The following IQCM variants were observed in gnomAD, a reference collection of about 807,000 sequenced individuals.
The protein encoded by IQCM is IQ domain-containing protein M.
Under a neutral mutation model 57.6 loss-of-function variants are expected in IQCM, and 45 were observed. The observed-to-expected ratio is 0.78, with a 90% CI of 0.62 to 1.00. The LOEUF is 1.00. Among genes scored for constraint, IQCM ranks in the 50% least tolerant of loss-of-function variants. The pLI is 0.00. For synonymous variants in IQCM, 148 were observed against 158.9 expected (o/e 0.93, Z 0.51); for missense variants, 468 against 511.6 (o/e 0.91, Z 0.82).
chr4:149,664,808 C>G (rs1760559409), intron 7 of IQCM, among the ~76,000 whole-genome samples: 2 of 152,120 alleles, frequency 1.3e-5, no homozygotes, highest in Non-Finnish European at 2.9e-5. Flanking sequence ...GTGGGTTGGT[C>G]TCTCCAGAGA....
intron 5 of IQCM, among the ~76,000 whole-genome samples, chr4:149,693,724 T>A (rs1391771815): frequency 6.6e-6 from 1 of 152,218 alleles, no homozygotes; most frequent in African/African-American, 2.4e-5. Flanking sequence ...ACAGGTTTTG[T>A]ATAATTCTAA....
intron 9 of IQCM, among the ~76,000 whole-genome samples, chr4:149,571,450 T>C (rs1458064409): frequency 6.6e-6 from 1 of 151,904 alleles, no homozygotes; most frequent in African/African-American, 2.4e-5. Flanking sequence ...GATCTCACAG[T>C]AGAGAGTAAA....
chr4:149,769,733 C>A (rs567651564), intron 2 of IQCM, among the ~76,000 whole-genome samples: 2 of 151,834 alleles, frequency 1.3e-5, no homozygotes, highest in Non-Finnish European at 2.9e-5. Context: ...GAGGACATAA[C>A]AATCCTATTG....
chr4:149,529,094 C>T (rs146237157), intron 12 of IQCM, among the ~76,000 whole-genome samples: 20 of 152,176 alleles, frequency 1.3e-4, no homozygotes, highest in Non-Finnish European at 2.4e-4. Context: ...GACAGAGTCT[C>T]ACTCCATCAC....
chr4:149,401,969 T>C (rs190214712), intron 13 of IQCM, among the ~76,000 whole-genome samples: 1 of 151,932 alleles, frequency 6.6e-6, no homozygotes, highest in Admixed American at 6.6e-5. Context: ...GATGTGGAAA[T>C]AGAACTTTTT....
chr4:149,510,803 T>C (rs1744327040), intron 12 of IQCM, among the ~76,000 whole-genome samples: 1 of 152,320 alleles, frequency 6.6e-6, no homozygotes, highest in Admixed American at 6.5e-5. Flanking sequence ...TATAGTGTCA[T>C]AGAGTGCCCT....
intron 13 of IQCM, among the ~76,000 whole-genome samples, chr4:149,386,305 G>T (rs1301423891): frequency 6.6e-6 from 1 of 151,934 alleles, no homozygotes; most frequent in Non-Finnish European, 1.5e-5. Flanking sequence ...ACATATTTTT[G>T]AAAATAAAAT....
intron 12 of IQCM, among the ~76,000 whole-genome samples, chr4:149,471,580 T>C (rs1237381375): frequency 6.6e-6 from 1 of 152,098 alleles, no homozygotes. Context: ...AGTATTCCAA[T>C]CAATAGAAAA....
At chr4:149,732,082 T>C (rs1766513770) in intron 5 of IQCM, among the ~76,000 whole-genome samples, 1 of 152,142 alleles carries the variant, frequency 6.6e-6, no homozygotes. Context: ...CTGCTGCCAG[T>C]TTTATTTTTC....
chr4:149,553,545 A>T (rs780123810), intron 10 of IQCM, among the ~76,000 whole-genome samples: 3 of 152,172 alleles, frequency 2.0e-5, no homozygotes, highest in Non-Finnish European at 4.4e-5. Context: ...TCTTTCACAG[A>T]CACTTCCTAT....
intron 4 of IQCM, 63 bp downstream of exon 4, chr4:149,735,313 G>T: frequency 1.4e-6 from 1 of 729,222 alleles, no homozygotes; most frequent in Non-Finnish European, 1.9e-6. Context: ...CAATCCTTTG[G>T]GAGAATCCTT....
intron 3 of IQCM, among the ~76,000 whole-genome samples, chr4:149,741,021 T>C (rs1767408405): frequency 6.6e-6 from 1 of 152,194 alleles, no homozygotes; most frequent in East Asian, 1.9e-4. Context: ...TATATTAATT[T>C]CATTACATGT....
At chr4:149,769,700 T>TA (rs1770389404) in intron 2 of IQCM, among the ~76,000 whole-genome samples, 1 of 151,974 alleles carries the variant, frequency 6.6e-6, no homozygotes, top group African/African-American at 2.4e-5. Context: ...AACTTCATAA[T>TA]AATAAAGGGG....
At chr4:149,455,060 A>G (rs967819499) in intron 12 of IQCM, among the ~76,000 whole-genome samples, 2 of 152,058 alleles carry the variant, frequency 1.3e-5, no homozygotes, top group African/African-American at 2.4e-5. Context: ...TGATGGTGTG[A>G]AAGTGATAAA....
chr4:149,689,930 C>T (rs540021529), intron 5 of IQCM, among the ~76,000 whole-genome samples: 1 of 152,162 alleles, frequency 6.6e-6, no homozygotes, highest in South Asian at 2.1e-4. Context: ...GGCATGGATG[C>T]AGTGATCAGG....
At chr4:149,392,402 C>T (rs1469750841) in intron 13 of IQCM, among the ~76,000 whole-genome samples, 1 of 151,974 alleles carries the variant, frequency 6.6e-6, no homozygotes, top group Admixed American at 6.6e-5. Flanking sequence ...CAACCGTAAA[C>T]AGAACTACCA....
At chr4:149,483,542 G>A (rs560495992) in intron 12 of IQCM, among the ~76,000 whole-genome samples, 36 of 151,830 alleles carry the variant, frequency 2.4e-4, no homozygotes, top group African/African-American at 7.0e-4. Flanking sequence ...GTCATTAAGA[G>A]GCATATTGTT....
At chr4:149,644,382 T>A (rs967349129) in intron 7 of IQCM, among the ~76,000 whole-genome samples, 1 of 152,210 alleles carries the variant, frequency 6.6e-6, no homozygotes, top group South Asian at 2.1e-4. Context: ...AACTTGCCAA[T>A]GGTGTTAAAC....
intron 13 of IQCM, among the ~76,000 whole-genome samples, chr4:149,429,345 TAA>T (rs1734663484): frequency 6.6e-6 from 1 of 151,846 alleles, no homozygotes; most frequent in Admixed American, 6.6e-5. Flanking sequence ...GGAAAAAAAT[TAA>T]AGACTTGTTT....
Sources: gnomAD v4.1 joint callset for allele counts (sites outside exome capture counted in the v4.1 genomes callset) on GRCh38, gnomAD v4.1.1 for gene constraint, MANE v1.5 for transcripts, NCBI Gene and HGNC (gene_info 2026-07-23, HGNC 2026-07-21) for gene names.